ANKDD1A: variants seen among roughly 807,000 people sequenced by gnomAD.
ANKDD1A encodes the protein ankyrin repeat and death domain-containing protein 1A.
Under a neutral mutation model 63.5 loss-of-function variants are expected in ANKDD1A, and 59 were observed. That is an observed-to-expected ratio of 0.93 (90% CI 0.75 to 1.15). The LOEUF (loss-of-function observed/expected upper bound fraction) is 1.15. Ranked by LOEUF, ANKDD1A falls within the 50% of genes most tolerant of loss-of-function variation. The probability of loss-of-function intolerance (pLI) is 0.00; values close to 1 mark genes in which losing one functional copy is unlikely to be tolerated. For synonymous variants in ANKDD1A, 266 were observed against 263.9 expected, an observed-to-expected ratio of 1.01 and a Z score of -0.08; for missense variants, 632 against 656.4, an observed-to-expected ratio of 0.96 and a Z score of 0.41.
chr15:64,927,757 A>G (rs2085058116), intron 6 of ANKDD1A, among the ~76,000 whole-genome samples: 1 of 152,182 alleles, frequency 6.6e-6, no homozygotes, highest in East Asian at 1.9e-4. Context: ...GGCGCCCGCC[A>G]CCACACCCAG....
intron 4 of ANKDD1A, among the ~76,000 whole-genome samples, chr15:64,923,280 G>C (rs2414862): frequency 0.27 from 41,097 of 151,972 alleles, 6,991 homozygotes; most frequent in South Asian, 0.42. Context: ...GCTGGAAAAG[G>C]CCAGGAAATG....
At chr15:64,926,282 A>G (rs1294154051) in intron 5 of ANKDD1A, 112 bp downstream of exon 5, 2 of 1,079,384 alleles carry the variant, frequency 1.9e-6, no homozygotes, top group South Asian at 2.9e-5. Flanking sequence ...ATCTGTGGGC[A>G]TATTGCACCT....
At chr15:64,919,316 C>G (rs2084992407) in intron 3 of ANKDD1A, among the ~76,000 whole-genome samples, 1 of 152,190 alleles carries the variant, frequency 6.6e-6, no homozygotes, top group African/African-American at 2.4e-5. Context: ...CTTGTTCTTT[C>G]TCCTTCCTCC....
At chr15:64,953,663 T>TTCTCCTTCTTCCTTTTCC (rs1555397894) in intron 14 of ANKDD1A, among the ~76,000 whole-genome samples, 7,414 of 135,436 alleles carry the variant, frequency 0.055, 870 homozygotes, top group African/African-American at 0.2. Flanking sequence ...CTTCTTTTCT[T>TTCTCCTTCTTCCTTTTCC]TCTTCTCCTT....
rs2085050348 is a variant in ANKDD1A at position 64,926,998 on chromosome 15, A to G, written c.569A>G (p.Lys190Arg). Reference protein sequence around the residue: ...GSGCDHNVKDKEGNTALHLAA... With the variant: ...GSGCDHNVKDREGNTALHLAA... Reference sequence around the variant, plus strand: ...GGCTGTGACCACAATGTCAAAGACAAGGTACCGTGTCCGTGAGGCTCTGGG... The same window carrying G: ...GGCTGTGACCACAATGTCAAAGACAGGGTACCGTGTCCGTGAGGCTCTGGG... The change falls in exon 6 of 15, where the codon AAG becomes AGG. Residue 190 changes from lysine to arginine, a missense_variant and splice_region_variant. Physicochemically the swap from Lys to Arg is conservative, Grantham distance 26 (BLOSUM62 2). Transcript: ENST00000319580. The G allele has an allele frequency of 1.2e-6, 2 of 1,614,168 alleles. No homozygotes were observed. Among genetic ancestry groups the G allele is most frequent in the African/African-American group, 2.7e-5 (2 of 75,044 alleles).
At chr15:64,917,581 A>G in intron 3 of ANKDD1A, 67 bp downstream of exon 3, 1 of 1,508,496 alleles carries the variant, frequency 6.6e-7, no homozygotes, top group Non-Finnish European at 8.9e-7. Context: ...TGGGTCTATG[A>G]GCCAGTTGCC....
chr15:64,954,681 CTCTCCT>C, intron 14 of ANKDD1A, among the ~76,000 whole-genome samples: 1 of 137,458 alleles, frequency 7.3e-6, no homozygotes, highest in Admixed American at 7.7e-5. Flanking sequence ...TCTTCTTCTT[CTCTCCT>C]TCTCCTTGTT....
chr15:64,911,993 C>A, intron 1 of ANKDD1A, 29 bp downstream of exon 1: 2 of 1,231,370 alleles, frequency 1.6e-6, no homozygotes, highest in Non-Finnish European at 2.0e-6. Flanking sequence ...GGGAGGGGGG[C>A]GGGCCGAGGC....
In ANKDD1A at chr15:64,926,114, G is replaced by A; in HGVS notation, c.415G>A (p.Val139Met). ...CGCAGCCCAAAAAGGCCATGTGCCT[G>A]TGCTGGCGTTCATAATGGAGGACCT... ...HCAAQKGHVP[V>M]LAFIMEDLED... Residue 139 changes from valine (V) to methionine (M), a missense_variant, in exon 5 of 15, where the codon GTG (valine) becomes ATG (methionine). By Grantham distance (21) the Val-to-Met change is conservative. Coordinates refer to ENST00000319580, the MANE Select transcript of ANKDD1A (RefSeq NM_182703.6). 6.2e-7 allele frequency: 1 copy of A among 1,614,076 alleles called. No individual in the cohort carries two copies. Among genetic ancestry groups the A allele is most frequent in the Non-Finnish European group, 8.5e-7 (1 of 1,179,984 alleles).
intron 3 of ANKDD1A, among the ~76,000 whole-genome samples, chr15:64,918,691 C>T (rs1194947623): frequency 6.6e-6 from 1 of 152,104 alleles, no homozygotes; most frequent in African/African-American, 2.4e-5. Context: ...CGGTGGCTCA[C>T]ACCAGTAATC....
chr15:64,929,153 T>C (rs2085069345), intron 6 of ANKDD1A, among the ~76,000 whole-genome samples: 2 of 152,244 alleles, frequency 1.3e-5, no homozygotes, highest in South Asian at 4.1e-4. Flanking sequence ...AAAATTATTT[T>C]AAAATTTTAT....
intron 4 of ANKDD1A, 38 bp downstream of exon 4, chr15:64,922,057 C>T (rs766137636): frequency 2.4e-5 from 38 of 1,596,440 alleles, no homozygotes; most frequent in South Asian, 7.8e-5. Flanking sequence ...CCCCTCGGCT[C>T]CCCTGGCCTG....
chr15:64,954,356 TTCTTCTCCTTCTTCTTC>T (rs2085382657), intron 14 of ANKDD1A, among the ~76,000 whole-genome samples: 1 of 80,900 alleles, frequency 1.2e-5, no homozygotes, highest in African/African-American at 5.3e-5. Flanking sequence ...CCTTCTTCTC[TTCTTCTCCTTCTTCTTC>T]CTTTTCTTTT....
intron 13 of ANKDD1A, among the ~76,000 whole-genome samples, chr15:64,948,662 C>T (rs1001976697): frequency 6.6e-6 from 1 of 151,974 alleles, no homozygotes; most frequent in Admixed American, 6.6e-5. Flanking sequence ...CCCGTCTCTA[C>T]TAAAAATACA....
Position 64,911,926 on chromosome 15 carries a change from G to T in ANKDD1A, c.-5G>T. On this transcript the variant is annotated 5_prime_UTR_variant, in exon 1 of 15. Transcript: ENST00000319580. ...CAGCGCGCGCAGGGGCTGCGGAGCG[G>T]CAGGATGCAGGAGGAGCTGGCGTGG... 1 of 1,244,140 alleles carries T rather than the reference G, an allele frequency of 8.0e-7. No individual in the cohort carries two copies. Among genetic ancestry groups the T allele is most frequent in the Non-Finnish European group, 1.0e-6 (1 of 989,122 alleles). 77.1% of individuals were successfully genotyped at this position (1,244,140 alleles called of 1,614,324 possible).
chr15:64,954,860 CTT>C (rs2085399745), intron 14 of ANKDD1A, among the ~76,000 whole-genome samples: 8 of 38,554 alleles, frequency 2.1e-4, no homozygotes, highest in Non-Finnish European at 6.0e-4. Context: ...CTTCTTCTTT[CTT>C]CTCCTTTTCT....
chr15:64,952,065 CCTTT>C (rs1401759024), intron 14 of ANKDD1A, among the ~76,000 whole-genome samples: 14 of 5,450 alleles, frequency 2.6e-3, no homozygotes, highest in African/African-American at 3.5e-3. Flanking sequence ...CTTAGTTCTT[CCTTT>C]CTTCTTCTTC....
chr15:64,952,888 T>C (rs1204506272), intron 14 of ANKDD1A, among the ~76,000 whole-genome samples: 12 of 147,676 alleles, frequency 8.1e-5, no homozygotes, highest in African/African-American at 3.0e-4. Context: ...TTCTTCTCCT[T>C]CTTCCTTCTC....
intron 4 of ANKDD1A, among the ~76,000 whole-genome samples, chr15:64,925,534 G>C (rs999114368): frequency 6.6e-6 from 1 of 152,096 alleles, no homozygotes; most frequent in Non-Finnish European, 1.5e-5. Context: ...ATCTGCCCTA[G>C]AAGGTGAGGA....
Sources: gnomAD v4.1 joint callset for allele counts (sites outside exome capture counted in the v4.1 genomes callset) on GRCh38, gnomAD v4.1.1 for gene constraint, MANE v1.5 for transcripts, NCBI Gene and HGNC (gene_info 2026-07-23, HGNC 2026-07-21) for gene names.